SLFN13: variants seen among roughly 807,000 people sequenced by gnomAD.
SLFN13 encodes the protein schlafen-13.
In SLFN13, 43 loss-of-function variants were observed where a neutral mutation model predicts 50.6. The observed-to-expected ratio is 0.85, with a 90% CI of 0.67 to 1.09. The LOEUF (loss-of-function observed/expected upper bound fraction) is 1.09, where lower values mean the gene tolerates loss of function less well. Among genes scored for constraint, SLFN13 ranks in the 50% least tolerant of loss-of-function variants. SLFN13 has a pLI of 0.00. For synonymous variants in SLFN13, 339 were observed against 386.5 expected, an observed-to-expected ratio of 0.88 and a Z score of 1.44; for missense variants, 881 against 1,071.1, an observed-to-expected ratio of 0.82 and a Z score of 2.48.
At chr17:35,449,459 C>T (rs912114833), upstream of SLFN13, among the ~76,000 whole-genome samples, 3 of 152,142 alleles carry the variant, frequency 2.0e-5, no homozygotes, top group African/African-American at 7.2e-5. Flanking sequence ...ACTGCCCATA[C>T]CCCAGCTTGG....
intron 2 of SLFN13, 165 bp from the exon 3 acceptor site, chr17:35,445,858 G>C: frequency 1.7e-6 from 1 of 585,636 alleles, no homozygotes; most frequent in Non-Finnish European, 2.9e-6. Flanking sequence ...TGGCAGGGAA[G>C]GGAACTAATG....
rs1169053854 is a variant in SLFN13 at position 35,444,699 on chromosome 17, G to T, written c.982C>A (p.Pro328Thr). The T allele has an allele frequency of 1.2e-6, 2 of 1,614,026 alleles. No homozygotes were observed. Among genetic ancestry groups the T allele is most frequent in the Admixed American group, 3.3e-5 (2 of 60,006 alleles). ...AFCCVVFSEA[P>T]KSWMVREKYI... ...TTCTCCCTCACCATCCATGACTTGG[G>T]AGCTTCCGAGAACACCACACAACAG... Residue 328 changes from proline to threonine, a missense_variant, in exon 3 of 6, where the codon CCC (proline) becomes ACC (threonine). Physicochemically the swap from Pro to Thr is conservative, Grantham distance 38. Transcript: ENST00000285013.
At position 35,440,549 on chromosome 17, in the gene SLFN13, GACATTT is replaced by G. The variant is rs1912800986; in HGVS notation, c.*40_*45del. 1 of 1,592,244 alleles carries G rather than the reference GACATTT, an allele frequency of 6.3e-7. No homozygotes were observed. Among genetic ancestry groups the G allele is most frequent in the Admixed American group, 1.7e-5 (1 of 58,984 alleles). On this transcript the variant is annotated 3_prime_UTR_variant, in exon 6 of 6. Transcript: ENST00000285013. ...TACCATCAGCAGACTGTCACCCATA[GACATTT>G]ACACAGTATTTTGGTTTGGAGTTCT...
Position 35,439,882 on chromosome 17 carries a change from A to G in SLFN13, c.*713T>C, listed in dbSNP as rs1371340695. On this transcript the variant is annotated 3_prime_UTR_variant, in exon 6 of 6. Transcript: ENST00000285013. ...GGTTTCTAATATTAACTTCTACTGAAAGCCAGCATTTTCTCTTGGCCTATA... is the reference window on the plus strand; with the variant it reads ...GGTTTCTAATATTAACTTCTACTGAGAGCCAGCATTTTCTCTTGGCCTATA... 6.6e-6 allele frequency: 1 copy of G among 152,174 alleles called. No individual in the cohort carries two copies. Among genetic ancestry groups the G allele is most frequent in the Non-Finnish European group, 1.5e-5 (1 of 68,044 alleles). 9.4% of individuals were successfully genotyped at this position (152,174 alleles called of 1,614,324 possible). A position where few individuals can be genotyped will look rare whatever the true frequency, so the allele number is the denominator to read the frequency against.
At chr17:35,448,007 C>T (rs1326117613) in intron 1 of SLFN13, among the ~76,000 whole-genome samples, 2 of 150,850 alleles carry the variant, frequency 1.3e-5, no homozygotes, top group Non-Finnish European at 3.0e-5. Flanking sequence ...CAGGTGCGCG[C>T]CACCAGGCCC....
chr17:35,445,539 G>C lies in SLFN13; in HGVS notation c.142C>G (p.Arg48Gly). 6.2e-7 allele frequency: 1 copy of C among 1,614,080 alleles called. No individual in the cohort carries two copies. The highest frequency in any genetic ancestry group is 8.5e-7 in the Non-Finnish European group (1 of 1,180,020). ...QRDQERARVI[R>G]AACALLNSGG... ...GAGTTTAATAAAGCACACGCGGCCC[G>C]TATAACTCTCGCCCTCTCTTGGTCT... The change falls in exon 3 of 6, where the codon CGG becomes GGG. Residue 48 changes from arginine (R) to glycine (G), a missense_variant. Around this residue, in one of 5 missense-constraint regions of SLFN13, gnomAD observed 497 missense variants for 518.3 expected, o/e 0.96. Coordinates refer to ENST00000285013, the MANE Select transcript of SLFN13 (RefSeq NM_144682.6).
intron 2 of SLFN13, chr17:35,446,806 T>G (rs1397084527): frequency 6.6e-6 from 1 of 152,164 alleles, no homozygotes; most frequent in Non-Finnish European, 1.5e-5. Context: ...AGGTCAAGAT[T>G]CAGAAATAAA....
chr17:35,442,412 T>C (rs984113372), intron 4 of SLFN13, 126 bp from the exon 5 acceptor site: 6 of 1,130,028 alleles, frequency 5.3e-6, no homozygotes, highest in Non-Finnish European at 7.3e-6. Flanking sequence ...AAATTCCTTC[T>C]GGTGCATCTC....
chr17:35,441,696 C>A lies in SLFN13; in HGVS notation c.1789G>T (p.Val597Phe). The A allele has an allele frequency of 6.3e-7, 1 of 1,598,688 alleles. No homozygotes were observed. Among genetic ancestry groups the A allele is most frequent in the Non-Finnish European group, 8.5e-7 (1 of 1,171,716 alleles). ...TTCCCTGAGCCAGGTAAGCCGTGGACAAACAACTCTCTGTTCTTGCGGAGG... is the reference window on the plus strand; with the variant it reads ...TTCCCTGAGCCAGGTAAGCCGTGGAAAAACAACTCTCTGTTCTTGCGGAGG... ...RSLRKNRELF[V>F]HGLPGSGKTI... The change falls in exon 5 of 6, where the codon GTC (valine) becomes TTC (phenylalanine). Residue 597 changes from valine to phenylalanine, a missense_variant. Transcript: ENST00000285013.
chr17:35,441,197 G>A lies in SLFN13; in HGVS notation c.2092C>T (p.Leu698Phe). ...TGAAAGTAGTCCAGAAAGATCCAGAGAACTCCTGGACAATCCTTTTCTCTC... is the reference window on the plus strand; with the variant it reads ...TGAAAGTAGTCCAGAAAGATCCAGAAAACTCCTGGACAATCCTTTTCTCTC... ...TQREKDCPGV[L>F]WIFLDYFQTS... Residue 698 changes from leucine to phenylalanine, a missense_variant, in exon 6 of 6, where the codon CTC becomes TTC. By Grantham distance (22) the Leu-to-Phe change is conservative (BLOSUM62 0). This residue lies in a region of SLFN13 where 322 missense variants were observed against 327.4 expected (regional missense o/e 0.98). Transcript: ENST00000285013. 1.2e-6 allele frequency: 2 copies of A among 1,614,044 alleles called. No individual in the cohort carries two copies. The highest frequency in any genetic ancestry group is 1.7e-6 in the Non-Finnish European group (2 of 1,179,978).
intron 1 of SLFN13, chr17:35,448,225 C>A (rs1368473443): frequency 2.6e-5 from 4 of 152,122 alleles, no homozygotes; most frequent in African/African-American, 7.2e-5. Flanking sequence ...CAATAATTTA[C>A]AGTGGTTAGT....
rs760406750 is a variant in SLFN13, at chr17:35,441,541, G to C, written c.1922+22C>G. The C allele has an allele frequency of 1.6e-4, 250 of 1,611,498 alleles. 2 individuals are homozygous for C. Among genetic ancestry groups the C allele is most frequent in the Non-Finnish European group, 1.9e-4 (224 of 1,179,626 alleles). On this transcript the variant is annotated intron_variant, in intron 5 of 5. Transcript: ENST00000285013. ...AAACCCAGATTAAATAAAACTTAAA[G>C]ACGTAAGATCCAACTGCTTACCTGA...
rs1272943089 is a variant in SLFN13, at chr17:35,445,454, C to T, written c.227G>A (p.Gly76Glu). The change falls in exon 3 of 6, where the codon GGA (glycine) becomes GAA (glutamate). Residue 76 changes from glycine to glutamate, a missense_variant. This residue lies in a region of SLFN13 where 497 missense variants were observed against 518.3 expected (regional missense o/e 0.96). Transcript: ENST00000285013. ...ANRDERPTEM[G>E]LDLEESLRKL... ...TCTCAAGGATTCTTCTAAATCCAGT[C>T]CCATCTCTGTGGGACGCTCATCCCT... is the stretch of plus-strand genomic sequence containing the variant. The T allele has an allele frequency of 6.2e-6, 10 of 1,614,194 alleles. No individual in the cohort carries two copies. Among genetic ancestry groups the T allele is most frequent in the Non-Finnish European group, 8.5e-6 (10 of 1,180,032 alleles).
rs1912688114 is a variant in SLFN13 at position 35,438,014 on chromosome 17, A to G, written c.*2581T>C. 1 of 151,978 alleles carries G rather than the reference A, an allele frequency of 6.6e-6. No individual in the cohort carries two copies. Among genetic ancestry groups the G allele is most frequent in the African/African-American group, 2.4e-5 (1 of 41,410 alleles). 9.4% of individuals were successfully genotyped at this position (151,978 alleles called of 1,614,324 possible). Reference sequence around the variant, plus strand: ...CCCAGCAATGGGAGGCTAAGGCAAGAGGATCACTTGAGCCCAGGAGTTCAG... The same window carrying G: ...CCCAGCAATGGGAGGCTAAGGCAAGGGGATCACTTGAGCCCAGGAGTTCAG... On this transcript the variant is annotated 3_prime_UTR_variant, in exon 6 of 6. Coordinates refer to ENST00000285013, the MANE Select transcript of SLFN13 (RefSeq NM_144682.6).
In SLFN13 at chr17:35,445,505, C is replaced by G; in HGVS notation, c.176G>C (p.Gly59Ala). Residue 59 changes from glycine (G) to alanine (A), a missense_variant, in exon 3 of 6, where the codon GGA becomes GCA. Around this residue, in one of 5 missense-constraint regions of SLFN13, gnomAD observed 497 missense variants for 518.3 expected, o/e 0.96. Transcript: ENST00000285013. ...GTTGGCCATTTCCATCTGAATCACT[C>G]CTCCTCCTGAGTTTAATAAAGCACA... ...AACALLNSGG[G>A]VIQMEMANRD... is the part of the protein sequence containing the mutation. The G allele has an allele frequency of 6.2e-7, 1 of 1,614,174 alleles. No homozygotes were observed. Among genetic ancestry groups the G allele is most frequent in the Non-Finnish European group, 8.5e-7 (1 of 1,180,034 alleles).
chr17:35,447,267 C>T lies in SLFN13; in HGVS notation c.-14+1G>A, dbSNP rs1290999443. 6.6e-6 allele frequency: 1 copy of T among 152,164 alleles called. No homozygotes were observed. The highest frequency in any genetic ancestry group is 1.5e-5 in the Non-Finnish European group (1 of 68,028). The allele number at this position is 152,164 out of a possible 1,614,324, so 9.4% of individuals were successfully genotyped here. A position where few individuals can be genotyped will look rare whatever the true frequency, so the allele number is the denominator to read the frequency against. ...CAGGTGAAAAAAATCAGGAAGCTTA[C>T]CAATATATTTAACAAAAGCAACTGA... On this transcript the variant is annotated splice_donor_variant, in intron 2 of 5. Transcript: ENST00000285013. LOFTEE classifies it low-confidence loss of function (5UTR_SPLICE).
intron 4 of SLFN13, among the ~76,000 whole-genome samples, chr17:35,443,417 A>G (rs1008513931): frequency 6.6e-6 from 1 of 152,124 alleles, no homozygotes; most frequent in African/African-American, 2.4e-5. Flanking sequence ...TAGTTATTCC[A>G]TTGTTCCCCT....
At position 35,444,848 on chromosome 17, in the gene SLFN13, G is replaced by T. The variant is rs1009459233; in HGVS notation, c.833C>A (p.Ser278Tyr). ...GCAAAAATGAACAATGGGCAACTTA[G>T]AAATTGCTCTTGCAATTACATTTTT... ...SLKNVIARAI[S>Y]KLPIVHFCSS... The change falls in exon 3 of 6, where the codon TCT becomes TAT. Residue 278 changes from serine to tyrosine, a missense_variant. Ser to Tyr is a moderately radical substitution (Grantham distance 144, BLOSUM62 -2). Around this residue, in one of 5 missense-constraint regions of SLFN13, gnomAD observed 497 missense variants for 518.3 expected, o/e 0.96. Transcript: ENST00000285013. The T allele has an allele frequency of 6.2e-7, 1 of 1,614,086 alleles. No homozygotes were observed. Among genetic ancestry groups the T allele is most frequent in the Non-Finnish European group, 8.5e-7 (1 of 1,180,036 alleles).
rs770482674 is a variant in SLFN13 at position 35,442,135 on chromosome 17, G to T, written c.1350C>A (p.Asn450Lys). The change falls in exon 5 of 6, where the codon AAC becomes AAA. Residue 450 changes from asparagine (N) to lysine (K), a missense_variant. Physicochemically the swap from Asn to Lys is moderately conservative, Grantham distance 94. This residue lies in a region of SLFN13 where 15 missense variants were observed against 29.0 expected (regional missense o/e 0.52). Transcript: ENST00000285013. ...ILSRSWAVDLNLQEKPGVICD... is the reference protein window; with the variant it reads ...ILSRSWAVDLKLQEKPGVICD... ...AGATGACTCCTGGCTTCTCCTGCAAGTTCAGGTCCACAGCCCAGCTTCTAG... is the reference window on the plus strand; with the variant it reads ...AGATGACTCCTGGCTTCTCCTGCAATTTCAGGTCCACAGCCCAGCTTCTAG... The T allele has an allele frequency of 6.2e-7, 1 of 1,614,256 alleles. No homozygotes were observed. The highest frequency in any genetic ancestry group is 8.5e-7 in the Non-Finnish European group (1 of 1,180,050).
Sources: gnomAD v4.1 joint callset for allele counts (sites outside exome capture counted in the v4.1 genomes callset) on GRCh38, gnomAD v4.1.1 for gene constraint, gnomAD v4.1.1 regional missense constraint, MANE v1.5 for transcripts, NCBI Gene and HGNC (gene_info 2026-07-23, HGNC 2026-07-21) for gene names.